The following REEP1 variants were observed in gnomAD, a reference collection of about 807,000 sequenced individuals.
REEP1 encodes the protein receptor accessory protein 1.
A neutral mutation model predicts 40.3 loss-of-function variants in REEP1; 22 were observed. The ratio of observed to expected loss-of-function variants is 0.55; its 90% CI spans 0.39 to 0.78. The LOEUF (loss-of-function observed/expected upper bound fraction) is 0.78, where lower values mean the gene tolerates loss of function less well. REEP1 is among the 30% of genes least tolerant of loss of function. The pLI, the probability that REEP1 is intolerant of heterozygous loss-of-function variation, is 0.00. For synonymous variants in REEP1, 116 were observed against 139.2 expected, an observed-to-expected ratio of 0.83 and a Z score of 1.17; for missense variants, 280 against 361.1, an observed-to-expected ratio of 0.78 and a Z score of 1.82.
At chr2:86,232,519 G>T (rs1388715191) in intron 6 of REEP1, 106 bp downstream of exon 6, 8 of 1,357,418 alleles carry the variant, frequency 5.9e-6, no homozygotes, top group Non-Finnish European at 7.2e-6. Context: ...TTGGTGGCAG[G>T]TCCGTGGGGC....
intron 2 of REEP1, among the ~76,000 whole-genome samples, chr2:86,274,338 CAGGAAGG>C (rs1192262165): frequency 6.6e-6 from 1 of 152,166 alleles, no homozygotes; most frequent in Non-Finnish European, 1.5e-5. Flanking sequence ...GACCAAAGCT[CAGGAAGG>C]AGGTTGAGGC....
intron 1 of REEP1, among the ~76,000 whole-genome samples, chr2:86,327,018 G>A (rs1226228723): frequency 2.0e-5 from 3 of 152,184 alleles, no homozygotes; most frequent in Non-Finnish European, 2.9e-5. Flanking sequence ...ACCTATCTCT[G>A]TGGGTCCCCA....
At chr2:86,245,668 T>C (rs1422878726) in intron 5 of REEP1, among the ~76,000 whole-genome samples, 4 of 152,162 alleles carry the variant, frequency 2.6e-5, no homozygotes, top group Admixed American at 6.5e-5. Context: ...CTCCCACCTT[T>C]AGGAACTCTT....
chr2:86,283,923 C>A (rs1300578116), intron 1 of REEP1, among the ~76,000 whole-genome samples: 1 of 152,096 alleles, frequency 6.6e-6, no homozygotes, highest in Admixed American at 6.5e-5. Flanking sequence ...GGGGAGCAGC[C>A]CACCCTCCAG....
rs11350708 is a variant in REEP1, at chr2:86,215,023, C to CTTTTTTTTTTTTTTT, written c.*2001_*2015dup. 4.2e-4 allele frequency: 25 copies of CTTTTTTTTTTTTTTT among 59,576 alleles called. No individual in the cohort carries two copies. Among genetic ancestry groups the CTTTTTTTTTTTTTTT allele is most frequent in the Non-Finnish European group, 6.3e-4 (22 of 34,806 alleles). The allele number at this position is 59,576 out of a possible 1,614,324, so 3.7% of individuals were successfully genotyped here. A position where few individuals can be genotyped will look rare whatever the true frequency, so the allele number is the denominator to read the frequency against. On this transcript the variant is annotated 3_prime_UTR_variant, in exon 9 of 9. Coordinates refer to ENST00000538924, the MANE Select transcript of REEP1 (RefSeq NM_001371279.1). ...AAAAATTGCTAAGAAGCTGTGTAAG[C>CTTTTTTTTTTTTTTT]TTTTTTTTTTTTTTTTTTTTTTTGC...
At chr2:86,332,653 G>A (rs1257779809) in intron 1 of REEP1, among the ~76,000 whole-genome samples, 1 of 152,190 alleles carries the variant, frequency 6.6e-6, no homozygotes, top group Admixed American at 6.5e-5. Context: ...TAATAACTAG[G>A]TGAGACCCTC....
At chr2:86,307,156 A>G (rs1679522913) in intron 1 of REEP1, among the ~76,000 whole-genome samples, 1 of 151,774 alleles carries the variant, frequency 6.6e-6, no homozygotes, top group Non-Finnish European at 1.5e-5. Context: ...GTGAGCCGAG[A>G]TCACGCCATT....
rs139150669 is a variant in REEP1 at position 86,256,638 on chromosome 2, C to T, written c.183-1824G>A. ...TTAAAGGCCCTCACCCCAGTTTCTC[C>T]CTCTTCTCCTGACGGACCCTGAGTG... On this transcript the variant is annotated intron_variant, in intron 3 of 8. Transcript: ENST00000538924. Among the ~76,000 whole-genome samples the T allele has an allele frequency of 8.3e-3, 1,259 of 152,286 alleles. 13 individuals carry two copies. The highest frequency in any genetic ancestry group is 0.029 in the African/African-American group (1,185 of 41,540).
chr2:86,236,609 A>G (rs895342440), intron 5 of REEP1, among the ~76,000 whole-genome samples: 4 of 152,110 alleles, frequency 2.6e-5, no homozygotes, highest in African/African-American at 9.7e-5. Context: ...CCAGGAGTTC[A>G]AGACCAGCCC....
chr2:86,265,574 CAT>C (rs150554560), intron 2 of REEP1, among the ~76,000 whole-genome samples: 7 of 151,582 alleles, frequency 4.6e-5, no homozygotes, highest in African/African-American at 1.2e-4. Context: ...TATATACATA[CAT>C]ATATATATAT....
At chr2:86,244,301 T>G (rs6730604) in intron 5 of REEP1, among the ~76,000 whole-genome samples, 1 of 152,054 alleles carries the variant, frequency 6.6e-6, no homozygotes, top group African/African-American at 2.4e-5. Context: ...GATAAGGATA[T>G]GTGGGAGAGG....
chr2:86,256,511 G>T (rs1003432944), intron 3 of REEP1, among the ~76,000 whole-genome samples: 17 of 152,060 alleles, frequency 1.1e-4, no homozygotes, highest in Non-Finnish European at 2.1e-4. Flanking sequence ...GACAACCAGA[G>T]ATAGCCCCAT....
chr2:86,313,731 G>A (rs1679867741), intron 1 of REEP1, among the ~76,000 whole-genome samples: 1 of 152,190 alleles, frequency 6.6e-6, no homozygotes, highest in Non-Finnish European at 1.5e-5. Flanking sequence ...AAAAGACCAG[G>A]TGTGAGATGA....
intron 1 of REEP1, among the ~76,000 whole-genome samples, chr2:86,326,627 G>A (rs4832277): frequency 0.33 from 49,871 of 151,868 alleles, 9,798 homozygotes; most frequent in East Asian, 0.58. Flanking sequence ...GAGGAGAATC[G>A]CCTGAACCCG....
chr2:86,290,212 G>T (rs1009197006), intron 1 of REEP1, among the ~76,000 whole-genome samples: 1 of 152,088 alleles, frequency 6.6e-6, no homozygotes, highest in East Asian at 1.9e-4. Context: ...GGCCAGGCTG[G>T]TATACACTCT....
At chr2:86,317,870 G>C (rs183870536) in intron 1 of REEP1, among the ~76,000 whole-genome samples, 1 of 152,068 alleles carries the variant, frequency 6.6e-6, no homozygotes, top group Non-Finnish European at 1.5e-5. Flanking sequence ...TGAATTATCC[G>C]CTTTTTTTCA....
At chr2:86,233,154 C>T (rs1010268901) in intron 5 of REEP1, among the ~76,000 whole-genome samples, 3 of 152,240 alleles carry the variant, frequency 2.0e-5, no homozygotes, top group Admixed American at 6.5e-5. Context: ...AGGCCACCTG[C>T]TGCTTCTCTT....
intron 3 of REEP1, among the ~76,000 whole-genome samples, chr2:86,258,266 C>A (rs913381586): frequency 6.6e-6 from 1 of 152,214 alleles, no homozygotes; most frequent in Non-Finnish European, 1.5e-5. Flanking sequence ...ATAACCCTGG[C>A]CCATGGGCCA....
chr2:86,217,222 A>C lies in REEP1; in HGVS notation c.784-112T>G, dbSNP rs1039244232. ...ACTTCCAGCTCCTTTGGCCAAATGC[A>C]GCTGGCTAGGGCTGGGGTCTCCCTG... On this transcript the variant is annotated intron_variant, in intron 8 of 8. Coordinates refer to ENST00000538924, the MANE Select transcript of REEP1 (RefSeq NM_001371279.1). 3 of 883,002 alleles carry C rather than the reference A, an allele frequency of 3.4e-6. No homozygotes were observed. In the Admixed American group the frequency reaches 5.5e-5, roughly 16 times the overall value. 54.7% of individuals were successfully genotyped at this position (883,002 alleles called of 1,614,324 possible).
Sources: allele counts gnomAD v4.1 joint callset (sites outside exome capture counted in the v4.1 genomes callset), GRCh38; gene constraint gnomAD v4.1.1; transcripts MANE v1.5; gene names NCBI Gene and HGNC (gene_info 2026-07-23, HGNC 2026-07-21).